Variants in ADORA2B observed in about 807,000 individuals in gnomAD.
The protein encoded by ADORA2B is adenosine A2b receptor.
ADORA2B carries 18 observed loss-of-function variants against 20.8 expected under a neutral mutation model. That is an observed-to-expected ratio of 0.87 (90% CI 0.60 to 1.29). The LOEUF (loss-of-function observed/expected upper bound fraction) is 1.29. Ranked by LOEUF, ADORA2B falls within the 50% of genes most tolerant of loss-of-function variation. The pLI, the probability that ADORA2B is intolerant of heterozygous loss-of-function variation, is 0.00. For synonymous variants in ADORA2B, 179 were observed against 178.3 expected, an observed-to-expected ratio of 1.00 and a Z score of -0.03; for missense variants, 441 against 422.7, an observed-to-expected ratio of 1.04 and a Z score of -0.38.
chr17:15,899,324 C>T, the ADORA2B span, among the ~76,000 whole-genome samples: 15 of 152,186 alleles, frequency 9.9e-5, no homozygotes, highest in African/African-American at 3.6e-4. Flanking sequence ...ATAAATCTTC[C>T]ATCAAGTTCT....
At chr17:15,915,604 T>C in the ADORA2B span, among the ~76,000 whole-genome samples, 1 of 151,904 alleles carries the variant, frequency 6.6e-6, no homozygotes, top group Non-Finnish European at 1.5e-5. Flanking sequence ...AGGTGATAGA[T>C]AGACAGGTGG....
the ADORA2B span, among the ~76,000 whole-genome samples, chr17:15,907,215 G>GTT: frequency 1.8e-4 from 26 of 147,222 alleles, no homozygotes; most frequent in African/African-American, 3.4e-4. Flanking sequence ...CTGTGAAAGT[G>GTT]TTTTTTTTTT....
Position 15,973,679 on chromosome 17 carries a change from C to A in ADORA2B, c.336-1000C>A, listed in dbSNP as rs72821756. Among the ~76,000 whole-genome samples, 1,086 of 152,360 alleles carry A rather than the reference C, an allele frequency of 7.1e-3. 6 individuals carry two copies. Among genetic ancestry groups the A allele is most frequent in the Admixed American group, 0.013 (195 of 15,306 alleles). On this transcript the variant is annotated intron_variant, in intron 1 of 1. Transcript: ENST00000304222. ...TGAGAATCTAATGCATCACCCCCCG[C>A]CCCTGGTCTGTGGAAACATTGTCTT... is the stretch of plus-strand genomic sequence containing the variant.
the ADORA2B span, among the ~76,000 whole-genome samples, chr17:15,918,762 C>T: frequency 6.6e-6 from 1 of 152,190 alleles, no homozygotes; most frequent in African/African-American, 2.4e-5. Context: ...AGCCACCGCG[C>T]CTGGCCAACA....
At chr17:15,931,512 G>A in the ADORA2B span, among the ~76,000 whole-genome samples, 5 of 152,320 alleles carry the variant, frequency 3.3e-5, no homozygotes, top group Non-Finnish European at 7.4e-5. Flanking sequence ...CATCACCAGA[G>A]GGGCAGCAGG....
At chr17:15,856,626 A>G in the ADORA2B span, among the ~76,000 whole-genome samples, 1 of 152,232 alleles carries the variant, frequency 6.6e-6, no homozygotes, top group Admixed American at 6.5e-5. Context: ...TGCTGATATG[A>G]TGTGGAAAAT....
At chr17:15,962,393 C>G (rs952648646) in intron 1 of ADORA2B, among the ~76,000 whole-genome samples, 2 of 152,118 alleles carry the variant, frequency 1.3e-5, no homozygotes, top group Non-Finnish European at 2.9e-5. Flanking sequence ...CCACATTTAT[C>G]AGTTTGCATT....
At chr17:15,886,569 C>A in the ADORA2B span, among the ~76,000 whole-genome samples, 1 of 130,358 alleles carries the variant, frequency 7.7e-6, no homozygotes, top group South Asian at 2.3e-4. Context: ...ACTGCCAGTC[C>A]ACTGACCGTG....
the ADORA2B span, among the ~76,000 whole-genome samples, chr17:15,890,347 C>A: frequency 7.8e-6 from 1 of 128,046 alleles, no homozygotes; most frequent in East Asian, 2.0e-4. Flanking sequence ...TTATCTATCT[C>A]TTAGTGATTA....
Position 15,975,400 on chromosome 17 carries a change from C to T in ADORA2B, c.*58C>T, listed in dbSNP as rs529500797. Reference sequence around the variant, plus strand: ...AAATCCACAAGAAACAAAGAGGACACGGCTGGTTTTCATTGTGAAAGATAG... The same window carrying T: ...AAATCCACAAGAAACAAAGAGGACATGGCTGGTTTTCATTGTGAAAGATAG... On this transcript the variant is annotated 3_prime_UTR_variant, in exon 2 of 2. Transcript: ENST00000304222. 2.9e-5 allele frequency: 44 copies of T among 1,538,490 alleles called. No homozygotes were observed. Among genetic ancestry groups the T allele is most frequent in the African/African-American group, 2.7e-4 (20 of 72,842 alleles).
chr17:15,902,915 G>A, the ADORA2B span, among the ~76,000 whole-genome samples: 1 of 152,226 alleles, frequency 6.6e-6, no homozygotes, highest in Non-Finnish European at 1.5e-5. Flanking sequence ...AGGTTGTGAT[G>A]GGAAGGGGCC....
At position 15,975,209 on chromosome 17, in the gene ADORA2B, TCTATGCTTA is replaced by T; in HGVS notation, c.868_876del (p.Tyr290_Tyr292del). ...GCCAATTCAGTTGTCAATCCCATTG[TCTATGCTTA>T]CCGGAACCGAGACTTCCGCTACACT... is the stretch of plus-strand genomic sequence containing the variant. On this transcript the variant is annotated inframe_deletion, in exon 2 of 2. Transcript: ENST00000304222. The T allele has an allele frequency of 6.2e-7, 1 of 1,614,144 alleles. No individual in the cohort carries two copies. The highest frequency in any genetic ancestry group is 8.5e-7 in the Non-Finnish European group (1 of 1,180,044).
chr17:15,917,013 G>A, the ADORA2B span, among the ~76,000 whole-genome samples: 1 of 152,212 alleles, frequency 6.6e-6, no homozygotes. Flanking sequence ...AGGAGCACTT[G>A]CTGTGATCTC....
rs533832351 is a variant in ADORA2B, at chr17:15,954,271, G to A, written c.335+8688G>A. On this transcript the variant is annotated intron_variant, in intron 1 of 1. Transcript: ENST00000304222. ...TGGGATTACAGGTGTGACCCACTGCGCCTGGCCAGGATCCTATTTTTAGAT... is the reference window on the plus strand; with the variant it reads ...TGGGATTACAGGTGTGACCCACTGCACCTGGCCAGGATCCTATTTTTAGAT... Among the ~76,000 whole-genome samples the A allele has an allele frequency of 1.3e-4, 20 of 152,242 alleles. No homozygotes were observed. The South Asian group carries it at 3.7e-3, about 28-fold the overall frequency.
chr17:15,889,805 A>G, the ADORA2B span, among the ~76,000 whole-genome samples: 3 of 129,362 alleles, frequency 2.3e-5, 1 homozygote. Flanking sequence ...GGCTGAGGCA[A>G]GAGAATCACT....
In ADORA2B at chr17:15,974,850, G is replaced by A. The variant is rs761047389; in HGVS notation, c.507G>A (p.Val169=). Residue 169 remains valine, a synonymous_variant, in exon 2 of 2, where the codon GTG becomes GTA. Coordinates refer to ENST00000304222, the MANE Select transcript of ADORA2B (RefSeq NM_000676.4). ...DGTTNESCCL[V]KCLFENVVPM... ...CCACGAATGAAAGCTGCTGCCTTGT[G>A]AAGTGTCTCTTTGAGAATGTGGTCC... 1 of 1,614,156 alleles carries A rather than the reference G, an allele frequency of 6.2e-7. No individual in the cohort carries two copies. Among genetic ancestry groups the A allele is most frequent in the Non-Finnish European group, 8.5e-7 (1 of 1,180,032 alleles).
the ADORA2B span, among the ~76,000 whole-genome samples, chr17:15,876,449 C>CTT: frequency 2.3e-4 from 27 of 119,302 alleles, no homozygotes; most frequent in Non-Finnish European, 4.2e-4. Flanking sequence ...TTTCTTTTTT[C>CTT]TTTTTTTTTT....
chr17:15,887,731 A>C, the ADORA2B span, among the ~76,000 whole-genome samples: 75 of 126,504 alleles, frequency 5.9e-4, 14 homozygotes, highest in South Asian at 0.018. Flanking sequence ...ACGGATCATG[A>C]GGTCAGGAGA....
chr17:15,918,525 G>A, the ADORA2B span, among the ~76,000 whole-genome samples: 3 of 152,198 alleles, frequency 2.0e-5, no homozygotes, highest in African/African-American at 7.2e-5. Context: ...AGGCTGGAGT[G>A]CAGTAGCTTG....
Sources: allele counts gnomAD v4.1 joint callset (sites outside exome capture counted in the v4.1 genomes callset), GRCh38; gene constraint gnomAD v4.1.1; transcripts MANE v1.5; gene names NCBI Gene and HGNC (gene_info 2026-07-23, HGNC 2026-07-21).